The following LRP1B variants were observed in gnomAD, a reference collection of about 807,000 sequenced individuals.
The protein encoded by LRP1B is LDL receptor related protein 1B.
A neutral mutation model predicts 556.6 loss-of-function variants in LRP1B; 217 were observed. That is an observed-to-expected ratio of 0.39 (90% confidence interval 0.35 to 0.44). LRP1B has a LOEUF of 0.44. Among genes scored for constraint, LRP1B ranks in the 20% least tolerant of loss-of-function variants. The pLI, the probability that LRP1B is intolerant of heterozygous loss-of-function variation, is 1.00. For missense variants in LRP1B, 5,053 were observed against 5,620.8 expected, an observed-to-expected ratio of 0.90 and a Z score of 3.23; for synonymous variants, 2,047 against 1,865.8, an observed-to-expected ratio of 1.10 and a Z score of -2.50.
At chr2:140,323,034 T>C (rs1270407855) in intron 81 of LRP1B, among the ~76,000 whole-genome samples, 1 of 152,028 alleles carries the variant, frequency 6.6e-6, no homozygotes, top group Non-Finnish European at 1.5e-5. Context: ...GGAAACTCTA[T>C]TTGGTTTTAT....
chr2:140,583,171 C>CTTTTCTTTTTTTTTTTTTTTTTTTTTTT (rs1553491151), intron 43 of LRP1B, among the ~76,000 whole-genome samples: 1 of 48,024 alleles, frequency 2.1e-5, no homozygotes, highest in African/African-American at 6.2e-5. Context: ...CCTTTTTTTT[C>CTTTTCTTTTTTTTTTTTTTTTTTTTTTT]TTTTTTTTTT....
chr2:140,367,981 A>G (rs1203940505), intron 71 of LRP1B, among the ~76,000 whole-genome samples: 1 of 151,840 alleles, frequency 6.6e-6, no homozygotes, highest in Non-Finnish European at 1.5e-5. Flanking sequence ...TTAAAAGAAG[A>G]GAACTATAAA....
In LRP1B at chr2:140,420,784, T is replaced by C. The variant is rs1461621735; in HGVS notation, c.10414+21720A>G. ...TGCTGTATGACTTGTTTTATGTAAA[T>C]GCACAGTAATCTAGTGACTTCAAGC... On this transcript the variant is annotated intron_variant, in intron 66 of 90. Transcript: ENST00000389484. Among the ~76,000 whole-genome samples the C allele has an allele frequency of 2.0e-5, 3 of 152,180 alleles. No homozygotes were observed. The East Asian group carries it at 5.8e-4, about 29-fold the overall frequency.
intron 3 of LRP1B, among the ~76,000 whole-genome samples, chr2:141,312,933 G>A (rs539768179): frequency 4.6e-5 from 7 of 151,938 alleles, no homozygotes; most frequent in South Asian, 4.2e-4. Flanking sequence ...CACCCACCTC[G>A]ACCTCCCAAA....
At chr2:140,553,915 C>T (rs1170513300) in intron 43 of LRP1B, among the ~76,000 whole-genome samples, 1 of 151,772 alleles carries the variant, frequency 6.6e-6, no homozygotes, top group African/African-American at 2.4e-5. Context: ...TTATGTAGAC[C>T]CTTTCTAATC....
At chr2:140,380,823 A>G (rs1476718205) in intron 67 of LRP1B, among the ~76,000 whole-genome samples, 1 of 152,210 alleles carries the variant, frequency 6.6e-6, no homozygotes, top group East Asian at 1.9e-4. Context: ...TTATCAAGCC[A>G]GTAGTTGAAA....
intron 41 of LRP1B, among the ~76,000 whole-genome samples, chr2:140,634,082 A>T (rs503635): frequency 0.083 from 12,584 of 152,214 alleles, 680 homozygotes; most frequent in East Asian, 0.18. Flanking sequence ...GTAGCAGTGC[A>T]TGAAAAGAAT....
chr2:141,916,067 A>G (rs1015097768), intron 1 of LRP1B, among the ~76,000 whole-genome samples: 23 of 152,184 alleles, frequency 1.5e-4, no homozygotes, highest in Admixed American at 3.9e-4. Context: ...CAGCAAACCC[A>G]TTGTTGGGCA....
intron 6 of LRP1B, among the ~76,000 whole-genome samples, chr2:141,215,729 A>G (rs1682776518): frequency 6.6e-6 from 1 of 152,220 alleles, no homozygotes; most frequent in African/African-American, 2.4e-5. Flanking sequence ...CTTGAGAGTG[A>G]TAGCCTAGGG....
intron 2 of LRP1B, among the ~76,000 whole-genome samples, chr2:141,671,850 C>T (rs555917638): frequency 6.7e-6 from 1 of 150,286 alleles, no homozygotes; most frequent in South Asian, 2.1e-4. Flanking sequence ...AAACAAAATG[C>T]TATTTATTCA....
At chr2:140,235,089 G>T (rs1165265281) in intron 89 of LRP1B, among the ~76,000 whole-genome samples, 1 of 150,874 alleles carries the variant, frequency 6.6e-6, no homozygotes, top group Non-Finnish European at 1.5e-5. Flanking sequence ...ATTAATATTG[G>T]ATCTTTGCTT....
chr2:140,906,261 A>G (rs981948595), intron 22 of LRP1B, among the ~76,000 whole-genome samples: 2 of 152,174 alleles, frequency 1.3e-5, no homozygotes, highest in African/African-American at 4.8e-5. Flanking sequence ...AAGCTCTTTA[A>G]GTAATGACCA....
chr2:140,746,971 AC>A lies in LRP1B; in HGVS notation c.5758+22241del, dbSNP rs560616074. Among the ~76,000 whole-genome samples the A allele has an allele frequency of 3.9e-3, 591 of 152,318 alleles. 6 individuals are homozygous for A. Among genetic ancestry groups the A allele is most frequent in the African/African-American group, 0.012 (517 of 41,578 alleles). ...AAACACATCCTAATGTATTAAAAAA[AC>A]ATGGTGAAGTAGAAAAAGTATTAAA... On this transcript the variant is annotated intron_variant, in intron 35 of 90. Coordinates refer to ENST00000389484, the MANE Select transcript of LRP1B (RefSeq NM_018557.3).
chr2:140,666,089 GT>G (rs1327349303), intron 41 of LRP1B, among the ~76,000 whole-genome samples: 1 of 151,530 alleles, frequency 6.6e-6, no homozygotes, highest in African/African-American at 2.4e-5. Flanking sequence ...TGCCCTCCAA[GT>G]TCAAGCGATT....
At chr2:141,871,337 C>T (rs1024210183) in intron 1 of LRP1B, among the ~76,000 whole-genome samples, 1 of 151,826 alleles carries the variant, frequency 6.6e-6, no homozygotes, top group Non-Finnish European at 1.5e-5. Context: ...GTTACACTTG[C>T]CCAGATTGTA....
chr2:140,269,120 G>A (rs1390236508), intron 86 of LRP1B: 2 of 357,352 alleles, frequency 5.6e-6, no homozygotes, highest in Non-Finnish European at 1.1e-5. Flanking sequence ...GGTGAGTGAA[G>A]CAAAGGTTAA....
intron 32 of LRP1B, among the ~76,000 whole-genome samples, chr2:140,812,399 G>A (rs1263786220): frequency 1.3e-5 from 2 of 151,968 alleles, no homozygotes; most frequent in African/African-American, 2.4e-5. Flanking sequence ...ACAAGAGAGA[G>A]GAAGACTCAT....
intron 7 of LRP1B, among the ~76,000 whole-genome samples, chr2:141,083,915 C>A (rs1300754947): frequency 6.6e-6 from 1 of 152,130 alleles, no homozygotes; most frequent in Admixed American, 6.5e-5. Flanking sequence ...TTCAGGAATT[C>A]TATTAAAAGC....
intron 7 of LRP1B, among the ~76,000 whole-genome samples, chr2:141,120,099 G>C (rs921573953): frequency 6.6e-6 from 1 of 151,886 alleles, no homozygotes; most frequent in Non-Finnish European, 1.5e-5. Context: ...AGTGACAGAG[G>C]TTCTAGGAGG....
Sources: gnomAD v4.1 joint callset for allele counts (sites outside exome capture counted in the v4.1 genomes callset) on GRCh38, gnomAD v4.1.1 for gene constraint, MANE v1.5 for transcripts, NCBI Gene and HGNC (gene_info 2026-07-23, HGNC 2026-07-21) for gene names.